TLN1: variants seen among roughly 807,000 people sequenced by gnomAD.
The protein encoded by TLN1 is talin 1.
In TLN1, 56 loss-of-function variants were observed where a neutral mutation model predicts 292.3. That is an observed-to-expected ratio of 0.19 (90% CI 0.15 to 0.24). TLN1 has a LOEUF of 0.24. Ranked by LOEUF, TLN1 falls within the 10% of genes least tolerant of loss-of-function variation. The pLI is 1.00. For synonymous variants in TLN1, 1,119 were observed against 1,253.7 expected (o/e 0.89, Z 2.27); for missense variants, 2,433 against 3,248.2 (o/e 0.75, Z 6.10).
intron 20 of TLN1, 110 bp downstream of exon 20, chr9:35,716,280 T>C: frequency 3.0e-6 from 4 of 1,319,914 alleles, no homozygotes; most frequent in Non-Finnish European, 4.2e-6. Flanking sequence ...ATTTGTCCTC[T>C]TGTGTTTTCT....
Position 35,712,085 on chromosome 9 carries a change from T to G in TLN1, c.3601A>C (p.Ser1201Arg). 1.2e-6 allele frequency: 2 copies of G among 1,614,054 alleles called. No homozygotes were observed. Among genetic ancestry groups the G allele is most frequent in the Non-Finnish European group, 1.7e-6 (2 of 1,179,988 alleles). The change falls in exon 28 of 57, where the codon AGC (serine) becomes CGC (arginine). Residue 1201 changes from serine (S) to arginine (R), a missense_variant. Coordinates refer to ENST00000314888, the MANE Select transcript of TLN1 (RefSeq NM_006289.4). The stretch of plus-strand genomic sequence containing the variant: ...ACATCGCGCTGGCCAGGTAGGCAGC[T>G]GACACAGCGGTTCAGAGCCTGGGTC... Reference protein sequence around the residue: ...AVTQALNRCVSCLPGQRDVDN... With the variant: ...AVTQALNRCVRCLPGQRDVDN...
chr9:35,711,018 C>T lies in TLN1; in HGVS notation c.4084G>A (p.Glu1362Lys). The change falls in exon 31 of 57, where the codon GAG becomes AAG. Residue 1362 changes from glutamate to lysine, a missense_variant. Around this residue, in one of 7 missense-constraint regions of TLN1, gnomAD observed 1,384 missense variants for 1,699.6 expected, o/e 0.81. Transcript: ENST00000314888. ...MCTQQAPGQK[E>K]CDNALRELET... ...AATTCCCGCAGGGCGTTATCACACTCCTTCTGGCCGGGTGCCTGCTGGGTG... is the reference window on the plus strand; with the variant it reads ...AATTCCCGCAGGGCGTTATCACACTTCTTCTGGCCGGGTGCCTGCTGGGTG... The T allele has an allele frequency of 3.1e-6, 5 of 1,614,210 alleles. No individual in the cohort carries two copies. The highest frequency in any genetic ancestry group is 4.2e-6 in the Non-Finnish European group (5 of 1,180,040).
chr9:35,707,556 G>A lies in TLN1; in HGVS notation c.4633-68C>T. 1 of 1,590,436 alleles carries A rather than the reference G, an allele frequency of 6.3e-7. No individual in the cohort carries two copies. The highest frequency in any genetic ancestry group is 8.6e-7 in the Non-Finnish European group (1 of 1,164,608). ...TAGGGGGTATAGGAAGTGAAGTCCA[G>A]GTCTCCTTCCTGGGACTTACAGGAT... On this transcript the variant is annotated intron_variant, in intron 35 of 56. Coordinates refer to ENST00000314888, the MANE Select transcript of TLN1 (RefSeq NM_006289.4). This position sits in a 1 kb window ranked among gnomAD's most constrained non-coding sequence, Gnocchi z 5.6.
At position 35,725,330 on chromosome 9, in the gene TLN1, G is replaced by C. The variant is rs532395139; in HGVS notation, c.131-9C>G. ...GAGCCCAAAGTCGCTGGCTAAAAGA[G>C]AGGATGGATCACTTTAGGCTTATGA... is the stretch of plus-strand genomic sequence containing the variant. On this transcript the variant is annotated splice_polypyrimidine_tract_variant and intron_variant, in intron 2 of 56. Transcript: ENST00000314888. 3.7e-6 allele frequency: 6 copies of C among 1,613,842 alleles called. No individual in the cohort carries two copies. Among genetic ancestry groups the C allele is most frequent in the African/African-American group, 2.7e-5 (2 of 75,034 alleles).
rs1427469474 is a variant in TLN1 at position 35,724,384 on chromosome 9, T to C, written c.512-50A>G. 1.9e-6 allele frequency: 3 copies of C among 1,608,784 alleles called. No homozygotes were observed. The African/African-American group carries it at 4.0e-5, about 22-fold the overall frequency. ...TGCCAAACCCCCATGGCCCCTGTGC[T>C]GTCTGGTCTCTGTTTATTTCTGCAT... On this transcript the variant is annotated intron_variant, in intron 5 of 56. Transcript: ENST00000314888. The surrounding 1 kb of genome is among the most constrained non-coding windows in gnomAD (Gnocchi z 4.7).
chr9:35,715,766 T>TA (rs1377948391), intron 20 of TLN1, among the ~76,000 whole-genome samples: 2 of 152,230 alleles, frequency 1.3e-5, no homozygotes, highest in East Asian at 3.9e-4. Context: ...ACCTTGGACT[T>TA]AAAGAAAAAG....
At chr9:35,729,596 C>A (rs895974293) in intron 1 of TLN1, among the ~76,000 whole-genome samples, 5 of 152,138 alleles carry the variant, frequency 3.3e-5, no homozygotes, top group African/African-American at 1.2e-4. Context: ...TAGAAGGACA[C>A]TGTATTAGTA....
In TLN1 at chr9:35,724,444, G is replaced by A; in HGVS notation, c.512-110C>T. The A allele has an allele frequency of 1.9e-6, 3 of 1,562,262 alleles. No homozygotes were observed. The highest frequency in any genetic ancestry group is 1.2e-5 in the South Asian group (1 of 86,180). On this transcript the variant is annotated intron_variant, in intron 5 of 56. Coordinates refer to ENST00000314888, the MANE Select transcript of TLN1 (RefSeq NM_006289.4). This position sits in a 1 kb window ranked among gnomAD's most constrained non-coding sequence, Gnocchi z 4.7. ...CCCCTCACTTAAATGTAAGTCCCAT[G>A]AGTGTAGGACTTTGTTTTCTCACTG... is the stretch of plus-strand genomic sequence containing the variant.
Position 35,711,012 on chromosome 9 carries a change from C to T in TLN1, c.4090G>A (p.Asp1364Asn). ...ACCTCCAATTCCCGCAGGGCGTTAT[C>T]ACACTCCTTCTGGCCGGGTGCCTGC... ...TQQAPGQKEC[D>N]NALRELETVR... The change falls in exon 31 of 57, where the codon GAT becomes AAT. Residue 1364 changes from aspartate (D) to asparagine (N), a missense_variant. By Grantham distance (23) the Asp-to-Asn change is conservative. Around this residue, in one of 7 missense-constraint regions of TLN1, gnomAD observed 1,384 missense variants for 1,699.6 expected, o/e 0.81. Transcript: ENST00000314888. 6.2e-7 allele frequency: 1 copy of T among 1,614,230 alleles called. No homozygotes were observed. Among genetic ancestry groups the T allele is most frequent in the Non-Finnish European group, 8.5e-7 (1 of 1,180,048 alleles).
chr9:35,705,917 G>A, intron 41 of TLN1, 45 bp downstream of exon 41: 1 of 1,614,080 alleles, frequency 6.2e-7, no homozygotes, highest in South Asian at 1.1e-5. Flanking sequence ...TGGAGGCTCT[G>A]GCCCAGGGTA....
intron 28 of TLN1, 65 bp from the exon 29 acceptor site, chr9:35,711,857 G>T: frequency 6.2e-7 from 1 of 1,607,022 alleles, no homozygotes; most frequent in Non-Finnish European, 8.5e-7. Flanking sequence ...GTCTGGTAAA[G>T]GAGGGCTGAA....
At position 35,705,838 on chromosome 9, in the gene TLN1, G is replaced by A. The variant is rs920583265; in HGVS notation, c.5525C>T (p.Pro1842Leu). 1 of 1,614,196 alleles carries A rather than the reference G, an allele frequency of 6.2e-7. No individual in the cohort carries two copies. The highest frequency in any genetic ancestry group is 1.1e-5 in the South Asian group (1 of 91,080). ...TQAINQLDEG[P>L]MGEPEGSFVD... is the part of the protein sequence containing the mutation. ...GAAGGAACCTTCTGGTTCACCCATTGGTCCTTCATCTAGCTGAGGGGGGAG... is the reference window on the plus strand; with the variant it reads ...GAAGGAACCTTCTGGTTCACCCATTAGTCCTTCATCTAGCTGAGGGGGGAG... The change falls in exon 42 of 57, where the codon CCA becomes CTA. Residue 1842 changes from proline to leucine, a missense_variant. Coordinates refer to ENST00000314888, the MANE Select transcript of TLN1 (RefSeq NM_006289.4).
At position 35,719,523 on chromosome 9, in the gene TLN1, T is replaced by G; in HGVS notation, c.1683A>C (p.Thr561=). The change falls in exon 15 of 57, where the codon ACA becomes ACC. Residue 561 remains threonine, a synonymous_variant. Transcript: ENST00000314888. The surrounding 1 kb of genome is among the most constrained non-coding windows in gnomAD (Gnocchi z 4.6). ...GGAAGCTAGCATCCGGCCTACCTGC[T>G]GTCAGGTTCACCACAGACGCAGTAC... The part of the protein sequence containing the change: ...TAGTASVVNL[T]AGDPAETDYT... 4.3e-6 allele frequency: 7 copies of G among 1,613,730 alleles called. No homozygotes were observed. Among genetic ancestry groups the G allele is most frequent in the Non-Finnish European group, 5.9e-6 (7 of 1,179,690 alleles).
At chr9:35,729,536 C>T (rs1437355640) in intron 1 of TLN1, among the ~76,000 whole-genome samples, 2 of 152,072 alleles carry the variant, frequency 1.3e-5, no homozygotes, top group Non-Finnish European at 2.9e-5. Flanking sequence ...GAGACATAAC[C>T]GGAACTGGAT....
In TLN1 at chr9:35,706,378, G is replaced by A; in HGVS notation, c.5191-12C>T. ...GCCATCTGGGACACCTGAGGCAAGG[G>A]GTTGGACTAGGGGTCAGGTCCCCTC... On this transcript the variant is annotated splice_polypyrimidine_tract_variant and intron_variant, in intron 39 of 56. Transcript: ENST00000314888. This position sits in a 1 kb window ranked among gnomAD's most constrained non-coding sequence, Gnocchi z 4.2. The A allele has an allele frequency of 6.2e-7, 1 of 1,610,842 alleles. No homozygotes were observed.
Position 35,725,667 on chromosome 9 carries a change from T to C in TLN1, c.28A>G (p.Ile10Val). MVALSLKIS[I>V]GNVVKTMQFE... ...TGCATCGTCTTCACCACATTCCCAA[T>C]GCTGATCTTCAGTGAAAGTGCAACC... Residue 10 changes from isoleucine to valine, a missense_variant, in exon 2 of 57, where the codon ATT becomes GTT. Transcript: ENST00000314888. 1 of 1,613,938 alleles carries C rather than the reference T, an allele frequency of 6.2e-7. No homozygotes were observed. Among genetic ancestry groups the C allele is most frequent in the East Asian group, 2.2e-5 (1 of 44,878 alleles).
chr9:35,717,105 C>T lies in TLN1; in HGVS notation c.2458+41G>A, dbSNP rs202101149. The T allele has an allele frequency of 1.7e-4, 267 of 1,555,534 alleles. 1 individual carries two copies. In the African/African-American group the frequency reaches 3.3e-3, roughly 19 times the overall value. ...ATGATGTCCAGTGGGCTTAGGGAAC[C>T]CTGGTAGGGTTTTTTGTTTTCCTGG... is the stretch of plus-strand genomic sequence containing the variant. On this transcript the variant is annotated intron_variant, in intron 19 of 56. Transcript: ENST00000314888. This position sits in a 1 kb window ranked among gnomAD's most constrained non-coding sequence, Gnocchi z 4.7.
At position 35,713,011 on chromosome 9, in the gene TLN1, G is replaced by GC; in HGVS notation, c.3384dup (p.Arg1129AlafsTer8). The GC allele has an allele frequency of 6.2e-7, 1 of 1,607,164 alleles. No homozygotes were observed. The highest frequency in any genetic ancestry group is 8.5e-7 in the Non-Finnish European group (1 of 1,177,734). ...CCCCTAGCGGCCTGGGCCAGTGACCGCAGCCCACCTGCCACATCCCGAGCT... is the reference window on the plus strand; with the variant it reads ...CCCCTAGCGGCCTGGGCCAGTGACCGCCAGCCCACCTGCCACATCCCGAGCT... On this transcript the variant is annotated frameshift_variant, in exon 27 of 57. Transcript: ENST00000314888. LOFTEE classifies it high-confidence loss of function.
chr9:35,730,201 G>T (rs545707019), intron 1 of TLN1, among the ~76,000 whole-genome samples: 1 of 151,596 alleles, frequency 6.6e-6, no homozygotes, highest in Non-Finnish European at 1.5e-5. Context: ...AGACTGGGGT[G>T]GGGGTGGGAA....
Sources: gnomAD v4.1 joint callset for allele counts (sites outside exome capture counted in the v4.1 genomes callset) on GRCh38, gnomAD v4.1.1 for gene constraint, gnomAD v4.1.1 regional missense constraint, Gnocchi (gnomAD v3.1) non-coding constraint, MANE v1.5 for transcripts, NCBI Gene and HGNC (gene_info 2026-07-23, HGNC 2026-07-21) for gene names.